ARID1A: variants seen among roughly 807,000 people sequenced by gnomAD.
ARID1A encodes AT-rich interaction domain 1A.
In ARID1A, 20 loss-of-function variants were observed where a neutral mutation model predicts 212.6. The ratio of observed to expected loss-of-function variants is 0.09; its 90% CI spans 0.07 to 0.14. The LOEUF (loss-of-function observed/expected upper bound fraction) is 0.14. ARID1A is among the 10% of genes least tolerant of loss of function. The probability of loss-of-function intolerance (pLI) is 1.00; values close to 1 mark genes in which losing one functional copy is unlikely to be tolerated. For synonymous variants in ARID1A, 1,376 were observed against 1,222.1 expected (o/e 1.13, Z -2.63); for missense variants, 2,587 against 3,059.0 (o/e 0.85, Z 3.64).
At chr1:26,713,399 C>T (rs954792378) in intron 1 of ARID1A, among the ~76,000 whole-genome samples, 5 of 147,210 alleles carry the variant, frequency 3.4e-5, no homozygotes, top group African/African-American at 5.1e-5. Flanking sequence ...TGCTTTGTTG[C>T]GCAGGCTGGA....
chr1:26,709,741 C>T (rs2080431793), intron 1 of ARID1A, among the ~76,000 whole-genome samples: 1 of 150,178 alleles, frequency 6.7e-6, no homozygotes, highest in South Asian at 2.1e-4. Flanking sequence ...CACTCTCAAA[C>T]TCCTGACCTC....
At chr1:26,755,895 C>T (rs1286971230) in intron 4 of ARID1A, among the ~76,000 whole-genome samples, 1 of 151,842 alleles carries the variant, frequency 6.6e-6, no homozygotes, top group African/African-American at 2.4e-5. Flanking sequence ...AGGCACCTGC[C>T]ACCACACCTG....
intron 1 of ARID1A, among the ~76,000 whole-genome samples, chr1:26,725,192 C>T (rs1161648528): frequency 6.6e-6 from 1 of 152,046 alleles, no homozygotes; most frequent in Non-Finnish European, 1.5e-5. Flanking sequence ...TGGCTTTTTG[C>T]AGCTAGGGTT....
At chr1:26,767,697 C>A (rs1004139180) in intron 10 of ARID1A, 93 bp from the exon 11 acceptor site, 5 of 1,284,724 alleles carry the variant, frequency 3.9e-6, no homozygotes, top group Non-Finnish European at 5.3e-6. Flanking sequence ...GAGTAAGAAG[C>A]TTTAACACTG....
intron 4 of ARID1A, among the ~76,000 whole-genome samples, chr1:26,759,795 G>GA (rs886940188): frequency 2.0e-5 from 3 of 152,064 alleles, no homozygotes; most frequent in African/African-American, 2.4e-5. Flanking sequence ...TAAAAGCTGG[G>GA]AAAAAAACAG....
intron 4 of ARID1A, among the ~76,000 whole-genome samples, chr1:26,745,925 C>G (rs576653522): frequency 6.6e-6 from 1 of 152,290 alleles, no homozygotes; most frequent in South Asian, 2.1e-4. Flanking sequence ...GTGGCATGTG[C>G]TTGTAATCCC....
chr1:26,772,708 G>T (rs2124105630), intron 13 of ARID1A, 76 bp downstream of exon 13: 1 of 1,610,168 alleles, frequency 6.2e-7, no homozygotes, highest in Non-Finnish European at 8.5e-7. Context: ...GCAGCCCAAG[G>T]TGGTCCTTGC....
At chr1:26,710,457 C>A (rs985944657) in intron 1 of ARID1A, among the ~76,000 whole-genome samples, 1 of 142,796 alleles carries the variant, frequency 7.0e-6, no homozygotes, top group African/African-American at 2.8e-5. Flanking sequence ...GCCTGGGCGA[C>A]AGAGCGAGAT....
At chr1:26,747,065 A>G (rs2080842527) in intron 4 of ARID1A, among the ~76,000 whole-genome samples, 1 of 152,126 alleles carries the variant, frequency 6.6e-6, no homozygotes, top group Admixed American at 6.5e-5. Context: ...AACAAACAAA[A>G]AAAACAACAC....
At position 26,780,713 on chromosome 1, in the gene ARID1A, C is replaced by T. The variant is rs1476138197; in HGVS notation, c.6815C>T (p.Ser2272Leu). The change falls in exon 20 of 20, where the codon TCA (serine) becomes TTA (leucine). Residue 2272 changes from serine (S) to leucine (L), a missense_variant. By Grantham distance (145) the Ser-to-Leu change is moderately radical. Coordinates refer to ENST00000324856, the MANE Select transcript of ARID1A (RefSeq NM_006015.6). The surrounding 1 kb of genome is among the most constrained non-coding windows in gnomAD (Gnocchi z 7.2). ...TCACCGTTGATGAACTCATTGGTTTCACAAGTCATTTGTGATGTACTGTTT... is the reference window on the plus strand; with the variant it reads ...TCACCGTTGATGAACTCATTGGTTTTACAAGTCATTTGTGATGTACTGTTT... Reference protein sequence around the residue: ...SVSPLMNSLVSQVICDVLFLI... With the variant: ...SVSPLMNSLVLQVICDVLFLI... 6.3e-7 allele frequency: 1 copy of T among 1,589,914 alleles called. No individual in the cohort carries two copies. The highest frequency in any genetic ancestry group is 1.3e-5 in the African/African-American group (1 of 74,868).
chr1:26,732,938 T>C, intron 4 of ARID1A, 146 bp downstream of exon 4: 2 of 680,048 alleles, frequency 2.9e-6, no homozygotes, highest in Non-Finnish European at 5.1e-6. Flanking sequence ...GGCTGACTTG[T>C]AGATGTCTGT....
chr1:26,719,958 AAAG>A (rs1186032434), intron 1 of ARID1A, among the ~76,000 whole-genome samples: 5 of 150,618 alleles, frequency 3.3e-5, no homozygotes, highest in Non-Finnish European at 7.4e-5. Context: ...AAAAAAAAAA[AAAG>A]GTACAACTGG....
chr1:26,729,977 T>G (rs1269440844), intron 2 of ARID1A, 114 bp downstream of exon 2: 1 of 1,293,396 alleles, frequency 7.7e-7, no homozygotes, highest in African/African-American at 1.5e-5. Flanking sequence ...AATGTAGACC[T>G]GTTGGCTCAG....
In ARID1A at chr1:26,766,461, GGCA is replaced by G; in HGVS notation, c.2886_2888del (p.Ala963del). 1.9e-6 allele frequency: 3 copies of G among 1,614,008 alleles called. No homozygotes were observed. The highest frequency in any genetic ancestry group is 2.5e-6 in the Non-Finnish European group (3 of 1,179,992). On this transcript the variant is annotated inframe_deletion, in exon 10 of 20. Coordinates refer to ENST00000324856, the MANE Select transcript of ARID1A (RefSeq NM_006015.6). ...GAATTTTTTTCTCTTTTACAGGGAT[GGCA>G]GCCAGCCCAGAGATGATGGGCCTTG... is the stretch of plus-strand genomic sequence containing the variant.
intron 1 of ARID1A, among the ~76,000 whole-genome samples, chr1:26,720,183 A>C (rs142893762): frequency 6.6e-5 from 10 of 151,752 alleles, no homozygotes; most frequent in African/African-American, 2.2e-4. Flanking sequence ...CCCGAGAGGC[A>C]TAAGTTGGAG....
intron 1 of ARID1A, among the ~76,000 whole-genome samples, chr1:26,719,960 A>G (rs1425877767): frequency 7.0e-6 from 1 of 143,124 alleles, no homozygotes; most frequent in East Asian, 2.1e-4. Flanking sequence ...AAAAAAAAAA[A>G]GGTACAACTG....
intron 4 of ARID1A, among the ~76,000 whole-genome samples, chr1:26,748,642 C>G (rs1193399123): frequency 2.4e-5 from 3 of 125,234 alleles, no homozygotes; most frequent in Non-Finnish European, 3.2e-5. Context: ...AGATTTGAGT[C>G]TATTAACTAG....
At chr1:26,712,809 A>G (rs1189852587) in intron 1 of ARID1A, among the ~76,000 whole-genome samples, 2 of 152,380 alleles carry the variant, frequency 1.3e-5, no homozygotes, top group East Asian at 3.9e-4. Context: ...CTCCAGTTGT[A>G]TAACTTAATG....
intron 1 of ARID1A, among the ~76,000 whole-genome samples, chr1:26,717,155 CTG>C (rs1233271902): frequency 6.6e-6 from 1 of 152,200 alleles, no homozygotes; most frequent in Non-Finnish European, 1.5e-5. Context: ...GGAGAACAGA[CTG>C]AAAGTAGGTG....
Sources: allele counts gnomAD v4.1 joint callset (sites outside exome capture counted in the v4.1 genomes callset), GRCh38; gene constraint gnomAD v4.1.1; non-coding constraint Gnocchi (gnomAD v3.1); transcripts MANE v1.5; gene names NCBI Gene and HGNC (gene_info 2026-07-23, HGNC 2026-07-21).